The following DHRSX variants were observed in gnomAD, a reference collection of about 807,000 sequenced individuals.
The protein encoded by DHRSX is dehydrogenase/reductase X-linked.
In DHRSX, 31 loss-of-function variants were observed where a neutral mutation model predicts 34.0. That is an observed-to-expected ratio of 0.91 (90% CI 0.69 to 1.23). The LOEUF (loss-of-function observed/expected upper bound fraction) is 1.23. Among genes scored for constraint, DHRSX ranks in the 50% most tolerant of loss-of-function variants. DHRSX has a pLI of 0.00. For synonymous variants in DHRSX, 201 were observed against 183.8 expected (o/e 1.09, Z -0.76); for missense variants, 414 against 428.1 (o/e 0.97, Z 0.29).
chrX:2,395,392 G>A (rs1371731783), intron 3 of DHRSX, among the ~76,000 whole-genome samples: 5 of 152,256 alleles, frequency 3.3e-5, no homozygotes, highest in Non-Finnish European at 7.4e-5. Flanking sequence ...CACAAAGGGG[G>A]CTTGTACTGT....
intron 3 of DHRSX, among the ~76,000 whole-genome samples, chrX:2,397,563 T>G (rs777292114): frequency 1.2e-5 from 1 of 86,764 alleles, no homozygotes; most frequent in South Asian, 2.9e-4. Flanking sequence ...TCGGTTCTCA[T>G]TCACAGACAA....
chrX:2,314,475 A>AGGTAAGGGAGGGAGGG (rs2042215968), intron 3 of DHRSX, among the ~76,000 whole-genome samples: 1 of 65,824 alleles, frequency 1.5e-5, no homozygotes, highest in African/African-American at 1.1e-4. Flanking sequence ...GGGGAGAAGG[A>AGGTAAGGGAGGGAGGG]AGGAAGGAAG....
chrX:2,323,879 G>A (rs1480897064), intron 3 of DHRSX, among the ~76,000 whole-genome samples: 1 of 151,974 alleles, frequency 6.6e-6, no homozygotes, highest in South Asian at 2.1e-4. Context: ...CAGGGGTTAA[G>A]AAGAAATGAC....
intron 1 of DHRSX, among the ~76,000 whole-genome samples, chrX:2,472,626 G>A (rs761402054): frequency 3.9e-5 from 6 of 152,140 alleles, no homozygotes; most frequent in South Asian, 2.1e-4. Flanking sequence ...AAAATCAGCC[G>A]AGCATGGTGG....
chrX:2,500,830 G>T lies in DHRSX; in HGVS notation c.96C>A (p.Gly32=). The T allele has an allele frequency of 8.9e-7, 1 of 1,129,494 alleles. No homozygotes were observed. The highest frequency in any genetic ancestry group is 1.1e-6 in the Non-Finnish European group (1 of 921,374). 70.0% of individuals were successfully genotyped at this position (1,129,494 alleles called of 1,614,324 possible). A position where few individuals can be genotyped will look rare whatever the true frequency, so the allele number is the denominator to read the frequency against. The change falls in exon 1 of 7, where the codon GGC becomes GGA. Residue 32 remains glycine (G), a synonymous_variant. Coordinates refer to ENST00000334651, the MANE Select transcript of DHRSX (RefSeq NM_145177.3). ...LAQLLRRCRG[G]FLEPVFPPRP... is the part of the protein sequence containing the mutation. ...CGCCCCGCTGACCTGGCTCCAGGAAGCCCCCGCGGCAGCGCCGCAGCAGCT... is the reference window on the plus strand; with the variant it reads ...CGCCCCGCTGACCTGGCTCCAGGAATCCCCCGCGGCAGCGCCGCAGCAGCT...
intron 4 of DHRSX, among the ~76,000 whole-genome samples, chrX:2,287,635 G>A (rs375955970): frequency 6.6e-6 from 1 of 151,800 alleles, no homozygotes; most frequent in Non-Finnish European, 1.5e-5. Context: ...CAGAATAATG[G>A]CCCCAAAGAT....
intron 3 of DHRSX, among the ~76,000 whole-genome samples, chrX:2,356,407 T>C (rs2042852784): frequency 6.6e-6 from 1 of 152,082 alleles, no homozygotes; most frequent in Non-Finnish European, 1.5e-5. Flanking sequence ...TGGAGAATCA[T>C]GTCAGGGGTG....
chrX:2,393,223 T>C (rs1448544736), intron 3 of DHRSX, among the ~76,000 whole-genome samples: 1 of 151,108 alleles, frequency 6.6e-6, no homozygotes, highest in Non-Finnish European at 1.5e-5. Flanking sequence ...ACAATAAATA[T>C]ATGAACCTAA....
intron 3 of DHRSX, among the ~76,000 whole-genome samples, chrX:2,348,361 G>A (rs1366135588): frequency 6.6e-5 from 10 of 152,132 alleles, no homozygotes; most frequent in East Asian, 1.9e-4. Context: ...GGGGTCAGTC[G>A]CTTGCAGCCA....
At chrX:2,493,315 CCAT>C (rs770537301) in intron 1 of DHRSX, among the ~76,000 whole-genome samples, 79 of 152,112 alleles carry the variant, frequency 5.2e-4, no homozygotes, top group South Asian at 3.9e-3. Flanking sequence ...ATCAGATCCT[CCAT>C]CATCATCATC....
chrX:2,270,222 T>C (rs1368076408), intron 4 of DHRSX, among the ~76,000 whole-genome samples: 1 of 152,138 alleles, frequency 6.6e-6, no homozygotes, highest in Non-Finnish European at 1.5e-5. Context: ...TACACAGTCT[T>C]TCCAGTTGTA....
At chrX:2,240,656 C>T (rs887997572) in intron 6 of DHRSX, among the ~76,000 whole-genome samples, 6 of 151,928 alleles carry the variant, frequency 3.9e-5, no homozygotes, top group Non-Finnish European at 5.9e-5. Context: ...ATCGCTCTTC[C>T]GAAAATTCCT....
At chrX:2,297,732 T>G (rs758529994) in intron 3 of DHRSX, among the ~76,000 whole-genome samples, 1 of 149,842 alleles carries the variant, frequency 6.7e-6, no homozygotes, top group Non-Finnish European at 1.5e-5. Flanking sequence ...ATGACAGGAG[T>G]GCGGAGTTTT....
At chrX:2,437,698 AGTGTGT>A (rs57675169) in intron 1 of DHRSX, among the ~76,000 whole-genome samples, 2 of 98,840 alleles carry the variant, frequency 2.0e-5, no homozygotes, top group African/African-American at 5.0e-5. Context: ...AGAGAGAGAG[AGTGTGT>A]GTGTGTGTGT....
At chrX:2,412,083 C>G (rs1162471557) in intron 2 of DHRSX, among the ~76,000 whole-genome samples, 1 of 152,206 alleles carries the variant, frequency 6.6e-6, no homozygotes, top group South Asian at 2.1e-4. Context: ...CATTTGGCCT[C>G]ATATGCATTT....
At chrX:2,336,622 G>A (rs1007522133) in intron 3 of DHRSX, among the ~76,000 whole-genome samples, 4 of 148,904 alleles carry the variant, frequency 2.7e-5, no homozygotes, top group East Asian at 2.0e-4. Flanking sequence ...TTTTTGAGAC[G>A]GAGTTTTGCT....
At chrX:2,495,800 C>T (rs995532392) in intron 1 of DHRSX, among the ~76,000 whole-genome samples, 4 of 152,036 alleles carry the variant, frequency 2.6e-5, no homozygotes, top group African/African-American at 9.7e-5. Flanking sequence ...GGGACACTCC[C>T]CAAAACGCTC....
At chrX:2,231,853 TCTTCTTCCTCCTCCATCTTCTCCAA>T (rs1293675808) in intron 6 of DHRSX, among the ~76,000 whole-genome samples, 2 of 147,146 alleles carry the variant, frequency 1.4e-5, no homozygotes, top group Admixed American at 6.8e-5. Flanking sequence ...ATTTTCTCCC[TCTTCTTCCTCCTCCATCTTCTCCAA>T]CTTCTTCCTC....
intron 3 of DHRSX, among the ~76,000 whole-genome samples, chrX:2,371,734 T>C (rs1330729515): frequency 3.0e-5 from 3 of 101,374 alleles, no homozygotes; most frequent in Non-Finnish European, 7.8e-5. Context: ...CCTCCCATTA[T>C]CACAGCCCCT....
Sources: gnomAD v4.1 joint callset for allele counts (sites outside exome capture counted in the v4.1 genomes callset) on GRCh38, gnomAD v4.1.1 for gene constraint, MANE v1.5 for transcripts, NCBI Gene and HGNC (gene_info 2026-07-23, HGNC 2026-07-21) for gene names.